Variants in IKZF2 observed in about 807,000 individuals in gnomAD.
The protein encoded by IKZF2 is IKAROS family zinc finger 2.
A neutral mutation model predicts 49.2 loss-of-function variants in IKZF2; 15 were observed. The ratio of observed to expected loss-of-function variants is 0.30; its 90% CI spans 0.20 to 0.47. IKZF2 has a LOEUF of 0.47. IKZF2 is among the 20% of genes least tolerant of loss of function. IKZF2 has a pLI of 1.00. For synonymous variants in IKZF2, 227 were observed against 221.4 expected, an observed-to-expected ratio of 1.03 and a Z score of -0.23; for missense variants, 567 against 664.6, an observed-to-expected ratio of 0.85 and a Z score of 1.61.
chr2:213,048,234 A>T (rs910156904), intron 6 of IKZF2, among the ~76,000 whole-genome samples: 2 of 152,128 alleles, frequency 1.3e-5, no homozygotes, highest in African/African-American at 4.8e-5. Context: ...TAAATTGCAA[A>T]ATGAGCACGA....
chr2:213,025,562 T>C (rs1490182754), intron 6 of IKZF2, among the ~76,000 whole-genome samples: 5 of 152,174 alleles, frequency 3.3e-5, no homozygotes, highest in African/African-American at 1.2e-4. Context: ...GAGAGAGATC[T>C]TGTTTTACTC....
At chr2:213,148,418 CCTT>C (rs2061155479) in intron 3 of IKZF2, among the ~76,000 whole-genome samples, 175 bp downstream of exon 3, 1 of 152,124 alleles carries the variant, frequency 6.6e-6, no homozygotes, top group South Asian at 2.1e-4. Flanking sequence ...TTCTATATTT[CCTT>C]CTTATTTCAC....
chr2:213,146,802 CCAAAA>C (rs2061089986), intron 4 of IKZF2, among the ~76,000 whole-genome samples: 1 of 145,002 alleles, frequency 6.9e-6, no homozygotes, highest in African/African-American at 2.5e-5. Context: ...TCACATATTG[CCAAAA>C]CAGAAAACTT....
intron 6 of IKZF2, among the ~76,000 whole-genome samples, chr2:213,030,172 A>G (rs189262891): frequency 6.6e-6 from 1 of 152,216 alleles, no homozygotes; most frequent in Admixed American, 6.5e-5. Flanking sequence ...TGTGGTCAAA[A>G]TTGTTGGTAG....
chr2:213,072,493 T>C (rs886065598), intron 4 of IKZF2, among the ~76,000 whole-genome samples: 14 of 152,078 alleles, frequency 9.2e-5, no homozygotes, highest in Non-Finnish European at 2.1e-4. Context: ...TATCGCTCAC[T>C]GGGTATTGAA....
chr2:213,087,753 T>G (rs1704807223), intron 4 of IKZF2, among the ~76,000 whole-genome samples: 1 of 152,154 alleles, frequency 6.6e-6, no homozygotes, highest in African/African-American at 2.4e-5. Context: ...CATGCGGTGT[T>G]TGGTTTTCTG....
chr2:213,082,356 C>G (rs1283227346), intron 4 of IKZF2, among the ~76,000 whole-genome samples: 3 of 152,150 alleles, frequency 2.0e-5, no homozygotes, highest in Non-Finnish European at 2.9e-5. Context: ...AGCAAATATA[C>G]AAGGTACAGC....
intron 2 of IKZF2, among the ~76,000 whole-genome samples, chr2:213,149,395 C>T (rs2061194002): frequency 6.6e-6 from 1 of 151,564 alleles, no homozygotes; most frequent in Non-Finnish European, 1.5e-5. Context: ...GCACAAACGC[C>T]ACACAACAGA....
At position 213,057,037 on chromosome 2, in the gene IKZF2, C is replaced by T. The variant is rs554289251; in HGVS notation, c.202G>A (p.Glu68Lys). The T allele has an allele frequency of 2.2e-5, 36 of 1,613,840 alleles. No individual in the cohort carries two copies. In the East Asian group the frequency reaches 7.6e-4, roughly 34 times the overall value. The change falls in exon 5 of 9, where the codon GAA becomes AAA. Residue 68 changes from glutamate to lysine, a missense_variant. This residue lies in a region of IKZF2 where 156 missense variants were observed against 138.5 expected (regional missense o/e 1.13). Transcript: ENST00000434687. ...TCATCATGGCCCCTGATCTCATCTTCACGGCTCAGGGGTTTCCTGTCACAC... is the reference window on the plus strand; with the variant it reads ...TCATCATGGCCCCTGATCTCATCTTTACGGCTCAGGGGTTTCCTGTCACAC... ...EECDRKPLSR[E>K]DEIRGHDEGS... is the part of the protein sequence containing the mutation.
intron 4 of IKZF2, among the ~76,000 whole-genome samples, chr2:213,057,751 A>C (rs1701300534): frequency 6.6e-6 from 1 of 152,182 alleles, no homozygotes; most frequent in South Asian, 2.1e-4. Flanking sequence ...TCTATCTAAA[A>C]AATTACCTAT....
intron 4 of IKZF2, among the ~76,000 whole-genome samples, chr2:213,133,204 T>C (rs2060530237): frequency 6.6e-6 from 1 of 152,214 alleles, no homozygotes; most frequent in African/African-American, 2.4e-5. Flanking sequence ...GCTATCATTC[T>C]GGCTAACTTA....
intron 6 of IKZF2, 79 bp downstream of exon 6, chr2:213,049,634 G>C (rs1700495474): frequency 9.2e-7 from 1 of 1,083,660 alleles, no homozygotes. Context: ...ACATAACAAA[G>C]CCATGTTACT....
Position 213,007,930 on chromosome 2 carries a change from C to T in IKZF2, c.1011G>A (p.Met337Ile). The change falls in exon 9 of 9, where the codon ATG becomes ATA. Residue 337 changes from methionine to isoleucine, a missense_variant. Met to Ile is a conservative substitution (Grantham distance 10). Transcript: ENST00000434687. ...YLGAEALHPLMQHPPSTIAEV... is the reference protein window; with the variant it reads ...YLGAEALHPLIQHPPSTIAEV... ...CAGCGATTGTGCTTGGCGGGTGCTG[C>T]ATCAGAGGGTGAAGGGCCTCAGCTC... 6.2e-7 allele frequency: 1 copy of T among 1,613,514 alleles called. No individual in the cohort carries two copies.
At chr2:213,119,480 CAA>C (rs991899787) in intron 4 of IKZF2, among the ~76,000 whole-genome samples, 16 of 151,808 alleles carry the variant, frequency 1.1e-4, no homozygotes, top group African/African-American at 3.9e-4. Flanking sequence ...CCAGCATAAA[CAA>C]GAGATGAAAG....
At chr2:213,077,039 T>C (rs1703349560) in intron 4 of IKZF2, among the ~76,000 whole-genome samples, 1 of 152,240 alleles carries the variant, frequency 6.6e-6, no homozygotes, top group African/African-American at 2.4e-5. Context: ...GGTACAAGTT[T>C]ACCAAAAGGA....
At position 213,108,245 on chromosome 2, in the gene IKZF2, GA is replaced by G. The variant is rs762390501; in HGVS notation, c.139+39462del. On this transcript the variant is annotated intron_variant, in intron 4 of 8. Coordinates refer to ENST00000434687, the MANE Select transcript of IKZF2 (RefSeq NM_001387220.1). Reference sequence around the variant, plus strand: ...TGGAAAGTAGGTGATTTTTATTGAGGAAAAAAAGTTTTTCTGACAAAATTTT... The same window carrying G: ...TGGAAAGTAGGTGATTTTTATTGAGGAAAAAAGTTTTTCTGACAAAATTTT... Among the ~76,000 whole-genome samples the G allele has an allele frequency of 4.0e-5, 6 of 151,832 alleles. No individual in the cohort carries two copies. In the East Asian group the frequency reaches 7.7e-4, roughly 20 times the overall value.
At chr2:213,069,837 A>G (rs1235811120) in intron 4 of IKZF2, among the ~76,000 whole-genome samples, 2 of 152,142 alleles carry the variant, frequency 1.3e-5, no homozygotes, top group African/African-American at 4.8e-5. Context: ...TGTTTTTGGC[A>G]AGAGTAAGCT....
At chr2:213,069,922 C>T (rs1702526177) in intron 4 of IKZF2, among the ~76,000 whole-genome samples, 1 of 152,014 alleles carries the variant, frequency 6.6e-6, no homozygotes, top group Non-Finnish European at 1.5e-5. Flanking sequence ...AGTGCTATTT[C>T]TAAGTAGATT....
chr2:213,105,242 C>A (rs2059485186), intron 4 of IKZF2, among the ~76,000 whole-genome samples: 1 of 152,160 alleles, frequency 6.6e-6, no homozygotes, highest in African/African-American at 2.4e-5. Flanking sequence ...GAGCTACCCA[C>A]AGAAACCAGT....
Sources: gnomAD v4.1 joint callset for allele counts (sites outside exome capture counted in the v4.1 genomes callset) on GRCh38, gnomAD v4.1.1 for gene constraint, gnomAD v4.1.1 regional missense constraint, MANE v1.5 for transcripts, NCBI Gene and HGNC (gene_info 2026-07-23, HGNC 2026-07-21) for gene names.